The following MZT2A variants were observed in gnomAD, a reference collection of about 807,000 sequenced individuals.
MZT2A encodes mitotic spindle organizing protein 2A.
MZT2A carries 8 observed loss-of-function variants against 12.4 expected under a neutral mutation model. That is an observed-to-expected ratio of 0.64 (90% CI 0.38 to 1.16). The LOEUF (loss-of-function observed/expected upper bound fraction) is 1.16, where lower values mean the gene tolerates loss of function less well. Among genes scored for constraint, MZT2A ranks in the 50% most tolerant of loss-of-function variants. MZT2A has a pLI of 0.01. For missense variants in MZT2A, 181 were observed against 223.6 expected, an observed-to-expected ratio of 0.81 and a Z score of 1.22; for synonymous variants, 88 against 107.5, an observed-to-expected ratio of 0.82 and a Z score of 1.12.
chr2:131,471,982 A>G (rs1270304973), intron 3 of MZT2A: 35 of 1,173,480 alleles, frequency 3.0e-5, no homozygotes, highest in Non-Finnish European at 3.9e-5. Flanking sequence ...AGTCCCAAGG[A>G]GGTCTTTAAA....
intron 2 of MZT2A, among the ~76,000 whole-genome samples, chr2:131,488,706 C>A (rs574522710): frequency 9.2e-5 from 14 of 152,152 alleles, no homozygotes; most frequent in Admixed American, 9.2e-4. Context: ...CAGCAGCACA[C>A]GTCTGCCCCA....
chr2:131,493,170 G>A (rs1679420667), upstream of MZT2A: 3 of 1,429,206 alleles, frequency 2.1e-6, no homozygotes, highest in Admixed American at 8.8e-5. Flanking sequence ...CGCGTGAGAC[G>A]GTCCGACGCC....
At chr2:131,474,102 C>CTTTTTT (rs996015413) in intron 2 of MZT2A, among the ~76,000 whole-genome samples, 3 of 135,252 alleles carry the variant, frequency 2.2e-5, no homozygotes, top group African/African-American at 9.5e-5. Context: ...CAATAAATAG[C>CTTTTTT]TTTTTTTTTT....
intron 2 of MZT2A, among the ~76,000 whole-genome samples, chr2:131,473,014 G>C (rs1310904410): frequency 6.6e-6 from 1 of 152,050 alleles, no homozygotes. Flanking sequence ...GAGGTCATAA[G>C]GGTGGGCCCT....
At chr2:131,476,742 C>T (rs570015033) in intron 2 of MZT2A, among the ~76,000 whole-genome samples, 7 of 152,010 alleles carry the variant, frequency 4.6e-5, no homozygotes, top group African/African-American at 1.5e-4. Context: ...AAGATCAGCC[C>T]GACCAACATG....
At chr2:131,472,565 C>CAT (rs574464973) in intron 2 of MZT2A, among the ~76,000 whole-genome samples, 16 of 152,268 alleles carry the variant, frequency 1.1e-4, no homozygotes, top group South Asian at 2.1e-4. Flanking sequence ...CAACAGACAG[C>CAT]ATATATATAA....
At chr2:131,492,813 T>C, upstream of MZT2A, 1 of 1,432,122 alleles carries the variant, frequency 7.0e-7, no homozygotes, top group Admixed American at 2.1e-5. Flanking sequence ...TCAACAACCC[T>C]GCTTACGCGC....
At chr2:131,475,517 C>T (rs186274600) in intron 2 of MZT2A, among the ~76,000 whole-genome samples, 438 of 151,780 alleles carry the variant, frequency 2.9e-3, no homozygotes, top group Middle Eastern at 0.017. Context: ...TTAGTAGAGA[C>T]GGGTTTTCAC....
In MZT2A at chr2:131,470,771, C is replaced by A. The variant is rs548824510; in HGVS notation, c.394-428G>T. ...CAAAGTGCTGAAGATTTAAATCAGG[C>A]CAGGCACTCATGCCTGTCATCCCAG... is the stretch of plus-strand genomic sequence containing the variant. On this transcript the variant is annotated intron_variant and NMD_transcript_variant, in intron 3 of 4. Transcript: ENST00000427024. 2.0e-5 allele frequency among the ~76,000 whole-genome samples: 3 copies of A among 146,762 alleles called. No homozygotes were observed. In the South Asian group the frequency reaches 6.2e-4, roughly 30 times the overall value.
At chr2:131,475,369 C>A (rs1291117832) in intron 2 of MZT2A, among the ~76,000 whole-genome samples, 3 of 130,222 alleles carry the variant, frequency 2.3e-5, no homozygotes, top group Non-Finnish European at 3.1e-5. Context: ...GCTCTGTTGC[C>A]CAGGCTGGAG....
upstream of MZT2A, chr2:131,492,481 T>TCGCGGGAGC (rs1679376397): frequency 9.8e-7 from 1 of 1,024,370 alleles, no homozygotes; most frequent in South Asian, 4.8e-5. Flanking sequence ...CGGGCTGCCC[T>TCGCGGGAGC]GGCGGGAGCG....
chr2:131,483,863 C>A, downstream of MZT2A: 1 of 1,238,714 alleles, frequency 8.1e-7, no homozygotes, highest in Non-Finnish European at 1.0e-6. Flanking sequence ...GGTGAAGGGA[C>A]CTGGTTAGTT....
At chr2:131,488,463 G>A (rs1391590071) in intron 2 of MZT2A, among the ~76,000 whole-genome samples, 1 of 152,136 alleles carries the variant, frequency 6.6e-6, no homozygotes, top group Non-Finnish European at 1.5e-5. Context: ...AAGCTCGAGA[G>A]GGCCTGGCCC....
chr2:131,493,547 C>T (rs1450925878), upstream of MZT2A, among the ~76,000 whole-genome samples: 1 of 152,104 alleles, frequency 6.6e-6, no homozygotes, highest in Admixed American at 6.5e-5. Flanking sequence ...TTCGGAGGCT[C>T]CCGAAGCCCA....
At chr2:131,493,589 G>C (rs1047008216), upstream of MZT2A, among the ~76,000 whole-genome samples, 1 of 152,118 alleles carries the variant, frequency 6.6e-6, no homozygotes, top group Admixed American at 6.5e-5. Flanking sequence ...AAGTGGGCGC[G>C]TGCTGTTAAG....
intron 2 of MZT2A, chr2:131,490,980 C>G (rs1679272157): frequency 6.5e-7 from 1 of 1,545,450 alleles, no homozygotes; most frequent in Non-Finnish European, 8.7e-7. Flanking sequence ...CCTCTTGGGT[C>G]AGCGGGCGTG....
intron 2 of MZT2A, chr2:131,490,300 G>C (rs1193974812): frequency 2.0e-6 from 2 of 1,023,838 alleles, no homozygotes; most frequent in East Asian, 1.5e-4. Context: ...CTCTGGGAAG[G>C]TGGGAGTCTC....
At chr2:131,483,670 G>A (rs1006880889), downstream of MZT2A, among the ~76,000 whole-genome samples, 7 of 152,030 alleles carry the variant, frequency 4.6e-5, no homozygotes, top group African/African-American at 1.4e-4. Flanking sequence ...AGCCAAGATC[G>A]CACTACTGCA....
chr2:131,484,126 G>A lies in MZT2A; in HGVS notation c.412C>T (p.Pro138Ser), dbSNP rs376503354. The part of the protein sequence containing the change: ...EGSSQRMPRQ[P>S]SATRLPKGGG... ...CCCTTGGGCAGCCTGGTAGCGCTGGGCTGGCGTGGCATCCTCTGGCTGGAT... is the reference window on the plus strand; with the variant it reads ...CCCTTGGGCAGCCTGGTAGCGCTGGACTGGCGTGGCATCCTCTGGCTGGAT... The change falls in exon 3 of 3, where the codon CCC becomes TCC. Residue 138 changes from proline (P) to serine (S), a missense_variant. Coordinates refer to ENST00000309451, the MANE Select transcript of MZT2A (RefSeq NM_001085365.2). The A allele has an allele frequency of 3.7e-6, 6 of 1,614,114 alleles. No individual in the cohort carries two copies. The highest frequency in any genetic ancestry group is 5.1e-6 in the Non-Finnish European group (6 of 1,180,010).
Sources: gnomAD v4.1 joint callset for allele counts (sites outside exome capture counted in the v4.1 genomes callset) on GRCh38, gnomAD v4.1.1 for gene constraint, MANE v1.5 for transcripts, NCBI Gene and HGNC (gene_info 2026-07-23, HGNC 2026-07-21) for gene names.